The following CNTN6 variants were observed in gnomAD, a reference collection of about 807,000 sequenced individuals.
CNTN6 encodes the protein contactin 6.
Under a neutral mutation model 122.8 loss-of-function variants are expected in CNTN6, and 137 were observed. That is an observed-to-expected ratio of 1.12 (90% CI 0.97 to 1.29). The LOEUF (loss-of-function observed/expected upper bound fraction) is 1.29. CNTN6 is among the 50% of genes most tolerant of loss of function. The pLI is 0.00. For synonymous variants in CNTN6, 570 were observed against 426.0 expected (o/e 1.34, Z -4.16); for missense variants, 1,634 against 1,223.4 (o/e 1.34, Z -5.01).
At chr3:1,254,568 G>A (rs1440875254) in intron 4 of CNTN6, among the ~76,000 whole-genome samples, 1 of 152,042 alleles carries the variant, frequency 6.6e-6, no homozygotes, top group African/African-American at 2.4e-5. Flanking sequence ...ATCATGTGTG[G>A]AAGTTACAGT....
chr3:1,321,214 T>A (rs1344921003), intron 7 of CNTN6, among the ~76,000 whole-genome samples: 2 of 151,736 alleles, frequency 1.3e-5, no homozygotes, highest in Admixed American at 1.3e-4. Context: ...GCCTGCCTAG[T>A]CTTAAATGTC....
chr3:1,379,053 TTAA>T (rs1221799747), intron 17 of CNTN6, among the ~76,000 whole-genome samples: 1 of 152,192 alleles, frequency 6.6e-6, no homozygotes, highest in Non-Finnish European at 1.5e-5. Flanking sequence ...TTTGCCTGAC[TTAA>T]TAACTTATTT....
chr3:1,154,934 A>G (rs1274254605), intron 2 of CNTN6, among the ~76,000 whole-genome samples: 1 of 152,080 alleles, frequency 6.6e-6, no homozygotes, highest in Non-Finnish European at 1.5e-5. Context: ...TCAAAATACC[A>G]AGATTGTTCT....
chr3:1,209,664 A>T (rs1467920023), intron 2 of CNTN6, among the ~76,000 whole-genome samples: 3 of 135,072 alleles, frequency 2.2e-5, no homozygotes, highest in Admixed American at 7.6e-5. Context: ...ACAATTCAAA[A>T]ATCAGTCTCC....
intron 11 of CNTN6, among the ~76,000 whole-genome samples, chr3:1,340,457 C>T (rs972951589): frequency 2.6e-5 from 4 of 152,130 alleles, no homozygotes; most frequent in Admixed American, 2.0e-4. Context: ...ATCGTGAATA[C>T]ACAATGTTCG....
At chr3:1,108,025 T>C (rs548826206) in intron 1 of CNTN6, among the ~76,000 whole-genome samples, 201 of 152,204 alleles carry the variant, frequency 1.3e-3, no homozygotes, top group African/African-American at 4.2e-3. Context: ...ATGTCAGTGT[T>C]ATGCAGAAAA....
intron 2 of CNTN6, among the ~76,000 whole-genome samples, chr3:1,193,230 C>T (rs1269998787): frequency 1.3e-5 from 2 of 152,130 alleles, no homozygotes; most frequent in South Asian, 2.1e-4. Context: ...ATTTAGAGTG[C>T]ACAGTGTGAC....
chr3:1,314,252 A>G (rs1699792146), intron 7 of CNTN6, among the ~76,000 whole-genome samples: 1 of 152,142 alleles, frequency 6.6e-6, no homozygotes, highest in South Asian at 2.1e-4. Context: ...AAATGAAAGC[A>G]GCTAGCTGAA....
intron 2 of CNTN6, among the ~76,000 whole-genome samples, chr3:1,171,006 G>C (rs956269423): frequency 1.3e-5 from 2 of 152,184 alleles, no homozygotes; most frequent in Non-Finnish European, 2.9e-5. Context: ...CTGGGGTAGG[G>C]GTAGTGCCAA....
intron 3 of CNTN6, among the ~76,000 whole-genome samples, chr3:1,225,395 T>G (rs2094267658): frequency 6.6e-6 from 1 of 152,204 alleles, no homozygotes; most frequent in Admixed American, 6.5e-5. Context: ...TCAGAATGAT[T>G]ATGGGGATAC....
At chr3:1,363,587 AG>A (rs1362284005) in intron 12 of CNTN6, among the ~76,000 whole-genome samples, 1 of 151,898 alleles carries the variant, frequency 6.6e-6, no homozygotes, top group Non-Finnish European at 1.5e-5. Flanking sequence ...TGCAAATGGT[AG>A]TATCTCCTTC....
At chr3:1,133,071 G>GA (rs1223271158) in intron 1 of CNTN6, among the ~76,000 whole-genome samples, 14 of 152,146 alleles carry the variant, frequency 9.2e-5, no homozygotes, top group Non-Finnish European at 1.3e-4. Context: ...ACAAGATCCT[G>GA]AAAAATACAC....
chr3:1,166,327 C>A (rs866391015), intron 2 of CNTN6, among the ~76,000 whole-genome samples: 1 of 152,118 alleles, frequency 6.6e-6, no homozygotes, highest in African/African-American at 2.4e-5. Flanking sequence ...ATTCAGATAA[C>A]ACAAGAGTAC....
At chr3:1,262,131 G>C (rs1396212843) in intron 4 of CNTN6, among the ~76,000 whole-genome samples, 1 of 152,076 alleles carries the variant, frequency 6.6e-6, no homozygotes, top group Non-Finnish European at 1.5e-5. Flanking sequence ...GTTGCCAAAT[G>C]GGCAACCTCT....
intron 20 of CNTN6, among the ~76,000 whole-genome samples, chr3:1,395,303 CA>C (rs1169416215): frequency 1.3e-5 from 2 of 152,176 alleles, no homozygotes; most frequent in Non-Finnish European, 2.9e-5. Context: ...GCTTATCACA[CA>C]TTTTTGGAGG....
chr3:1,226,863 G>A (rs1575319139), intron 3 of CNTN6, among the ~76,000 whole-genome samples: 1 of 152,108 alleles, frequency 6.6e-6, no homozygotes, highest in African/African-American at 2.4e-5. Context: ...ACAACTGTTT[G>A]TCATTATTCA....
At chr3:1,336,546 C>T (rs958066688) in intron 11 of CNTN6, among the ~76,000 whole-genome samples, 6 of 152,080 alleles carry the variant, frequency 3.9e-5, no homozygotes, top group Admixed American at 1.3e-4. Context: ...AAACCAATTC[C>T]GTTACCTTTA....
At chr3:1,093,446 G>A (rs1423853734) in intron 1 of CNTN6, among the ~76,000 whole-genome samples, 1 of 151,966 alleles carries the variant, frequency 6.6e-6, no homozygotes, top group East Asian at 1.9e-4. Context: ...GGATGACAGT[G>A]CTAATTCTGG....
chr3:1,123,959 C>A (rs529941647), intron 1 of CNTN6, among the ~76,000 whole-genome samples: 1 of 151,842 alleles, frequency 6.6e-6, no homozygotes, highest in Non-Finnish European at 1.5e-5. Flanking sequence ...GTTTTCTCTC[C>A]CCTTCATTCT....
Sources: allele counts gnomAD v4.1 joint callset (sites outside exome capture counted in the v4.1 genomes callset), GRCh38; gene constraint gnomAD v4.1.1; transcripts MANE v1.5; gene names NCBI Gene and HGNC (gene_info 2026-07-23, HGNC 2026-07-21).